UNC13C: variants seen among roughly 807,000 people sequenced by gnomAD.
UNC13C encodes unc-13 homolog C.
A neutral mutation model predicts 245.4 loss-of-function variants in UNC13C; 174 were observed. That is an observed-to-expected ratio of 0.71 (90% CI 0.63 to 0.80). The LOEUF is 0.80. Ranked by LOEUF, UNC13C falls within the 30% of genes least tolerant of loss-of-function variation. The pLI, the probability that UNC13C is intolerant of heterozygous loss-of-function variation, is 0.00. For synonymous variants in UNC13C, 992 were observed against 895.1 expected, an observed-to-expected ratio of 1.11 and a Z score of -1.93; for missense variants, 2,829 against 2,602.9, an observed-to-expected ratio of 1.09 and a Z score of -1.89.
chr15:53,989,019 C>T (rs1452994831), intron 1 of UNC13C, among the ~76,000 whole-genome samples: 6 of 151,910 alleles, frequency 3.9e-5, no homozygotes, highest in African/African-American at 7.2e-5. Flanking sequence ...ACTTCTTCAT[C>T]GTCATCAGTA....
intron 2 of UNC13C, among the ~76,000 whole-genome samples, chr15:54,111,713 G>T (rs1425200455): frequency 6.6e-6 from 1 of 152,150 alleles, no homozygotes; most frequent in East Asian, 1.9e-4. Context: ...GCTCATCAAA[G>T]GATTGCATGA....
chr15:54,467,869 A>T (rs916036321), intron 19 of UNC13C, among the ~76,000 whole-genome samples: 7 of 151,706 alleles, frequency 4.6e-5, no homozygotes, highest in African/African-American at 1.7e-4. Context: ...TTAAATGATG[A>T]TCACTTCAGT....
chr15:54,530,361 A>G (rs984446625), intron 25 of UNC13C, among the ~76,000 whole-genome samples: 1 of 152,186 alleles, frequency 6.6e-6, no homozygotes, highest in Admixed American at 6.5e-5. Flanking sequence ...TTTCAAGTAT[A>G]TAATGCAGCA....
At chr15:53,918,021 CA>C in the UNC13C span, among the ~76,000 whole-genome samples, 1 of 152,266 alleles carries the variant, frequency 6.6e-6, no homozygotes, top group Admixed American at 6.5e-5. Context: ...GCAGTTGGAA[CA>C]AAAGAAGTTG....
At chr15:53,937,764 A>G in the UNC13C span, among the ~76,000 whole-genome samples, 1 of 145,342 alleles carries the variant, frequency 6.9e-6, no homozygotes, top group Non-Finnish European at 1.5e-5. Flanking sequence ...CTAACCCAGA[A>G]TTTTATATCT....
intron 13 of UNC13C, among the ~76,000 whole-genome samples, chr15:54,306,659 G>A (rs569809258): frequency 6.6e-6 from 1 of 151,946 alleles, no homozygotes; most frequent in African/African-American, 2.4e-5. Context: ...TTTCTTGAGT[G>A]TTTAATCAGT....
At chr15:54,449,759 C>G (rs577295956) in intron 19 of UNC13C, among the ~76,000 whole-genome samples, 11 of 152,304 alleles carry the variant, frequency 7.2e-5, no homozygotes, top group African/African-American at 1.4e-4. Context: ...TCGTCAGAAG[C>G]CTTCTTCTCT....
chr15:54,529,561 T>C (rs1401704699), intron 25 of UNC13C, among the ~76,000 whole-genome samples: 4 of 152,190 alleles, frequency 2.6e-5, no homozygotes, highest in Non-Finnish European at 5.9e-5. Flanking sequence ...TGGCACATAA[T>C]AGTTTAGTAA....
intron 19 of UNC13C, among the ~76,000 whole-genome samples, chr15:54,458,586 A>G (rs770115087): frequency 1.0e-4 from 15 of 149,614 alleles, no homozygotes; most frequent in African/African-American, 2.9e-4. Context: ...TTAGATGTGT[A>G]TATATTTAGA....
At chr15:54,553,418 A>G (rs1414257643) in intron 28 of UNC13C, among the ~76,000 whole-genome samples, 1 of 129,574 alleles carries the variant, frequency 7.7e-6, no homozygotes, top group Non-Finnish European at 1.6e-5. Flanking sequence ...TGTAATATAT[A>G]ATATTATATA....
At chr15:54,551,154 C>G (rs1451106566) in intron 28 of UNC13C, among the ~76,000 whole-genome samples, 3 of 152,138 alleles carry the variant, frequency 2.0e-5, no homozygotes, top group Admixed American at 6.6e-5. Flanking sequence ...GACCCAGATA[C>G]TCACTGCCTC....
At chr15:53,977,966 A>C (rs1318008624), upstream of UNC13C, among the ~76,000 whole-genome samples, 2 of 152,188 alleles carry the variant, frequency 1.3e-5, no homozygotes, top group African/African-American at 4.8e-5. Flanking sequence ...TAAGAGGAAA[A>C]ACCAACTGGG....
the UNC13C span, chr15:53,913,920 G>A: frequency 6.6e-6 from 1 of 152,366 alleles, no homozygotes; most frequent in East Asian, 1.9e-4. Flanking sequence ...TGTAGGCAAA[G>A]TAGCTAATGA....
chr15:53,858,805 A>C, the UNC13C span, among the ~76,000 whole-genome samples: 1 of 152,186 alleles, frequency 6.6e-6, no homozygotes. Context: ...TATAAGTATA[A>C]ATATGCATAT....
intron 19 of UNC13C, among the ~76,000 whole-genome samples, chr15:54,485,117 T>C (rs1017190571): frequency 6.6e-6 from 1 of 152,140 alleles, no homozygotes; most frequent in Admixed American, 6.5e-5. Context: ...CTTTTCCCCA[T>C]TGGAAGCTAT....
At chr15:53,917,579 T>G in the UNC13C span, among the ~76,000 whole-genome samples, 1 of 152,108 alleles carries the variant, frequency 6.6e-6, no homozygotes, top group Non-Finnish European at 1.5e-5. Context: ...AATTTTGGAT[T>G]TAGAGTAGCA....
chr15:54,218,020 G>C (rs1179567279), intron 4 of UNC13C, among the ~76,000 whole-genome samples: 2 of 151,930 alleles, frequency 1.3e-5, no homozygotes, highest in Non-Finnish European at 2.9e-5. Flanking sequence ...ACTAGTTCTA[G>C]GAAAGTAGAG....
intron 2 of UNC13C, among the ~76,000 whole-genome samples, chr15:54,106,042 G>A (rs1900428357): frequency 6.6e-6 from 1 of 152,210 alleles, no homozygotes; most frequent in Non-Finnish European, 1.5e-5. Context: ...ACTCCAATGA[G>A]TGCTGGAGTC....
At chr15:53,959,529 G>T in the UNC13C span, among the ~76,000 whole-genome samples, 1 of 151,948 alleles carries the variant, frequency 6.6e-6, no homozygotes, top group Non-Finnish European at 1.5e-5. Flanking sequence ...TCGTGTTGGT[G>T]GTCATCTTAG....
Sources: allele counts gnomAD v4.1 joint callset (sites outside exome capture counted in the v4.1 genomes callset), GRCh38; gene constraint gnomAD v4.1.1; transcripts MANE v1.5; gene names NCBI Gene and HGNC (gene_info 2026-07-23, HGNC 2026-07-21).